The following DNAH6 variants were observed in gnomAD, a reference collection of about 807,000 sequenced individuals.
DNAH6 encodes axonemal beta dynein heavy chain 6.
Under a neutral mutation model 491.4 loss-of-function variants are expected in DNAH6, and 340 were observed. The observed-to-expected ratio is 0.69, with a 90% CI of 0.63 to 0.76. The LOEUF is 0.76. Ranked by LOEUF, DNAH6 falls within the 30% of genes least tolerant of loss-of-function variation. The pLI is 0.00. For synonymous variants in DNAH6, 1,603 were observed against 1,686.1 expected, an observed-to-expected ratio of 0.95 and a Z score of 1.21; for missense variants, 4,443 against 4,972.2, an observed-to-expected ratio of 0.89 and a Z score of 3.20.
intron 47 of DNAH6, chr2:84,697,978 G>A: frequency 2.0e-6 from 1 of 499,240 alleles, no homozygotes; most frequent in Non-Finnish European, 3.6e-6. Context: ...GTCCAAACTG[G>A]CCAGCCTCTC....
intron 41 of DNAH6, among the ~76,000 whole-genome samples, chr2:84,680,754 G>T (rs536842980): frequency 1.3e-5 from 2 of 152,160 alleles, no homozygotes; most frequent in South Asian, 4.2e-4. Flanking sequence ...AAGAGTAGGG[G>T]CCAGGATGGG....
At chr2:84,609,589 T>C (rs1402322797) in intron 21 of DNAH6, among the ~76,000 whole-genome samples, 2 of 152,132 alleles carry the variant, frequency 1.3e-5, no homozygotes, top group Admixed American at 1.3e-4. Flanking sequence ...GTTTGCCATC[T>C]TATATAAGCA....
chr2:84,799,701 G>A (rs1678702095), intron 70 of DNAH6, among the ~76,000 whole-genome samples: 3 of 152,224 alleles, frequency 2.0e-5, no homozygotes, highest in Admixed American at 6.5e-5. Context: ...AGTCTTTGGT[G>A]CAAAGCACCC....
At position 84,669,385 on chromosome 2, in the gene DNAH6, C is replaced by T. The variant is rs971620614; in HGVS notation, c.6181C>T (p.Arg2061Ter). The change falls in exon 38 of 77, where the codon CGA becomes TGA. Residue 2061 changes from arginine (R) to a stop codon, truncating the protein, a stop_gained. Coordinates refer to ENST00000389394, the MANE Select transcript of DNAH6 (RefSeq NM_001370.2). LOFTEE classifies it high-confidence loss of function. ...AATCATACCTACTTTCAAATACAAC[C>T]GAGATGTTCCATTTTTTGAAATGCT... ...ERIIPTFKYN[R>*]DVPFFEMLVP... 5.2e-6 allele frequency: 8 copies of T among 1,551,790 alleles called. No homozygotes were observed. The highest frequency in any genetic ancestry group is 3.9e-5 in the Admixed American group (2 of 50,982).
At chr2:84,461,661 C>G in the DNAH6 span, among the ~76,000 whole-genome samples, 1 of 152,222 alleles carries the variant, frequency 6.6e-6, no homozygotes, top group East Asian at 1.9e-4. Context: ...CACCTTGTAC[C>G]AAATAGTCGA....
intron 26 of DNAH6, among the ~76,000 whole-genome samples, chr2:84,622,672 C>T (rs985199182): frequency 6.6e-6 from 1 of 152,158 alleles, no homozygotes; most frequent in Non-Finnish European, 1.5e-5. Flanking sequence ...ATCCTGACTT[C>T]ACTTCTTTTG....
intron 48 of DNAH6, among the ~76,000 whole-genome samples, chr2:84,700,527 G>C (rs750718790): frequency 5.3e-5 from 8 of 152,196 alleles, no homozygotes; most frequent in Admixed American, 1.3e-4. Flanking sequence ...GCATAAAACT[G>C]ATATATTAGA....
At chr2:84,813,897 T>A in intron 74 of DNAH6, 74 bp from the exon 75 acceptor site, 1 of 1,479,976 alleles carries the variant, frequency 6.8e-7, no homozygotes, top group African/African-American at 1.4e-5. Flanking sequence ...GCAGCCTGGT[T>A]TGGATGAAGG....
At chr2:84,492,378 G>A in the DNAH6 span, among the ~76,000 whole-genome samples, 1 of 152,128 alleles carries the variant, frequency 6.6e-6, no homozygotes, top group African/African-American at 2.4e-5. Context: ...TTCAATCCTT[G>A]AACAGACTGT....
intron 62 of DNAH6, among the ~76,000 whole-genome samples, chr2:84,742,552 C>G (rs1457199436): frequency 6.6e-6 from 1 of 152,194 alleles, no homozygotes; most frequent in Non-Finnish European, 1.5e-5. Flanking sequence ...CAACAAATAA[C>G]TACAGCATCC....
intron 40 of DNAH6, 146 bp from the exon 41 acceptor site, chr2:84,676,859 T>A (rs2104702969): frequency 1.1e-6 from 1 of 901,182 alleles, no homozygotes; most frequent in East Asian, 2.7e-5. Flanking sequence ...TAGTGATCTC[T>A]TGGAGTGATT....
chr2:84,777,651 C>T, intron 64 of DNAH6: 1 of 811,464 alleles, frequency 1.2e-6, no homozygotes, highest in South Asian at 1.3e-5. Flanking sequence ...CCACTCCATA[C>T]AGGCACACTG....
chr2:84,659,903 G>A (rs1181169090), intron 37 of DNAH6, among the ~76,000 whole-genome samples: 1 of 152,102 alleles, frequency 6.6e-6, no homozygotes, highest in Non-Finnish European at 1.5e-5. Flanking sequence ...GATTTCTTGA[G>A]CCCAGGAATT....
chr2:84,662,675 G>C (rs1357999831), intron 37 of DNAH6, among the ~76,000 whole-genome samples: 2 of 152,198 alleles, frequency 1.3e-5, no homozygotes, highest in African/African-American at 4.8e-5. Context: ...CACCTCTGGG[G>C]GCAGGGCATA....
chr2:84,722,654 G>A lies in DNAH6; in HGVS notation c.9822G>A (p.Leu3274=). 6.5e-7 allele frequency: 1 copy of A among 1,549,910 alleles called. No individual in the cohort carries two copies. Reference sequence around the variant, plus strand: ...CTTCTGGTGCCATTAAAACCAGGCTGGAAGAAGCAGAGTCCACTGAGCAGA... The same window carrying A: ...CTTCTGGTGCCATTAAAACCAGGCTAGAAGAAGCAGAGTCCACTGAGCAGA... The part of the protein sequence containing the change: ...KITSGAIKTR[L]EEAESTEQMI... Residue 3274 remains leucine (L), a synonymous_variant, in exon 60 of 77, where the codon CTG becomes CTA. Coordinates refer to ENST00000389394, the MANE Select transcript of DNAH6 (RefSeq NM_001370.2).
chr2:84,813,003 G>A, intron 73 of DNAH6, 55 bp from the exon 74 acceptor site: 1 of 1,471,656 alleles, frequency 6.8e-7, no homozygotes, highest in Non-Finnish European at 9.3e-7. Flanking sequence ...CTTTGCTTTA[G>A]AAAACAAATT....
intron 72 of DNAH6, among the ~76,000 whole-genome samples, chr2:84,811,348 G>A (rs1330814640): frequency 1.3e-5 from 2 of 152,214 alleles, no homozygotes; most frequent in East Asian, 3.9e-4. Flanking sequence ...ACAACACTGC[G>A]ACCCATGGGG....
chr2:84,485,095 T>C, the DNAH6 span, among the ~76,000 whole-genome samples: 2 of 152,184 alleles, frequency 1.3e-5, no homozygotes, highest in African/African-American at 4.8e-5. Flanking sequence ...AGAATAGAGT[T>C]TGAGTCTCTC....
chr2:84,671,528 T>C (rs1251065217), intron 39 of DNAH6, among the ~76,000 whole-genome samples: 1 of 152,212 alleles, frequency 6.6e-6, no homozygotes, highest in African/African-American at 2.4e-5. Context: ...CTTCACTGCC[T>C]TCTGTCTCTG....
Sources: allele counts gnomAD v4.1 joint callset (sites outside exome capture counted in the v4.1 genomes callset), GRCh38; gene constraint gnomAD v4.1.1; transcripts MANE v1.5; gene names NCBI Gene and HGNC (gene_info 2026-07-23, HGNC 2026-07-21).